The following SPAG16 variants were observed in gnomAD, a reference collection of about 807,000 sequenced individuals.
SPAG16 encodes sperm-associated antigen 16 protein.
A neutral mutation model predicts 80.4 loss-of-function variants in SPAG16; 86 were observed. The observed-to-expected ratio is 1.07, with a 90% CI of 0.90 to 1.28. The LOEUF is 1.28. Among genes scored for constraint, SPAG16 ranks in the 50% most tolerant of loss-of-function variants. The pLI, the probability that SPAG16 is intolerant of heterozygous loss-of-function variation, is 0.00. For synonymous variants in SPAG16, 294 were observed against 265.9 expected, an observed-to-expected ratio of 1.11 and a Z score of -1.03; for missense variants, 870 against 765.3, an observed-to-expected ratio of 1.14 and a Z score of -1.61.
intron 12 of SPAG16, among the ~76,000 whole-genome samples, chr2:213,970,007 T>C (rs1385310141): frequency 1.3e-5 from 2 of 152,110 alleles, no homozygotes; most frequent in Non-Finnish European, 2.9e-5. Context: ...ACCAGCAGAT[T>C]TGGTGTTTGG....
intron 10 of SPAG16, among the ~76,000 whole-genome samples, chr2:213,801,555 C>G (rs564964725): frequency 1.1e-4 from 17 of 152,298 alleles, no homozygotes; most frequent in Admixed American, 6.5e-5. Context: ...ACTGTCCAAA[C>G]AAATGTCTTC....
intron 9 of SPAG16, among the ~76,000 whole-genome samples, chr2:213,482,576 A>G (rs889110402): frequency 2.6e-5 from 4 of 152,024 alleles, no homozygotes; most frequent in African/African-American, 7.2e-5. Flanking sequence ...TTTATTTAAA[A>G]ATGTTCATTT....
chr2:214,355,012 C>T (rs1576864520), intron 15 of SPAG16, among the ~76,000 whole-genome samples: 2 of 152,156 alleles, frequency 1.3e-5, no homozygotes, highest in Admixed American at 1.3e-4. Context: ...GCCTAATTGC[C>T]CTGGCCAGAA....
At chr2:213,719,596 C>G (rs1405568633) in intron 10 of SPAG16, among the ~76,000 whole-genome samples, 1 of 152,218 alleles carries the variant, frequency 6.6e-6, no homozygotes, top group African/African-American at 2.4e-5. Context: ...CCCGAGCCAG[C>G]ATTGGCAACC....
chr2:214,124,242 A>T (rs1319380424), intron 14 of SPAG16, among the ~76,000 whole-genome samples: 2 of 150,278 alleles, frequency 1.3e-5, no homozygotes, highest in Non-Finnish European at 2.9e-5. Context: ...TATGACTGCC[A>T]AAACTAGTTC....
intron 9 of SPAG16, among the ~76,000 whole-genome samples, chr2:213,389,265 C>G (rs2067611758): frequency 6.6e-6 from 1 of 151,992 alleles, no homozygotes; most frequent in Non-Finnish European, 1.5e-5. Flanking sequence ...AAAATTAACT[C>G]AAAATAATCA....
chr2:213,790,748 A>C (rs978528667), intron 10 of SPAG16, among the ~76,000 whole-genome samples: 1 of 152,018 alleles, frequency 6.6e-6, no homozygotes, highest in Non-Finnish European at 1.5e-5. Context: ...TAGAATAATG[A>C]AGGTAGCTTA....
rs748471904 is a variant in SPAG16 at position 214,297,823 on chromosome 2, C to CTT, written c.1721-112305_1721-112304dup. The stretch of plus-strand genomic sequence containing the variant: ...TTAAGATTGCTTGGGCTATTTGGCT[C>CTT]TTTTTTTTTTTTTGGTTTTGTATGA... On this transcript the variant is annotated intron_variant, in intron 15 of 15. Coordinates refer to ENST00000331683, the MANE Select transcript of SPAG16 (RefSeq NM_024532.5). Among the ~76,000 whole-genome samples, 315 of 126,004 alleles carry CTT rather than the reference C, an allele frequency of 2.5e-3. 3 individuals are homozygous for CTT. Among genetic ancestry groups the CTT allele is most frequent in the African/African-American group, 7.9e-3 (287 of 36,204 alleles). 82.7% of individuals were successfully genotyped at this position (126,004 alleles called of 152,430 possible). A position where few individuals can be genotyped will look rare whatever the true frequency, so the allele number is the denominator to read the frequency against.
At chr2:214,060,478 A>G (rs2050201275) in intron 13 of SPAG16, among the ~76,000 whole-genome samples, 1 of 152,238 alleles carries the variant, frequency 6.6e-6, no homozygotes, top group Admixed American at 6.5e-5. Context: ...AACAGAAAAC[A>G]TAGCAAAATA....
intron 15 of SPAG16, among the ~76,000 whole-genome samples, chr2:214,308,289 G>A (rs982739249): frequency 3.3e-5 from 5 of 152,070 alleles, no homozygotes; most frequent in Admixed American, 1.3e-4. Context: ...GTCACTGCAT[G>A]TGAGACGGAT....
At chr2:214,352,554 T>TCTGTGTGTGTGTGTG (rs1553562796) in intron 15 of SPAG16, among the ~76,000 whole-genome samples, 2 of 13,854 alleles carry the variant, frequency 1.4e-4, no homozygotes, top group South Asian at 0.013. Context: ...TTGACTTTTT[T>TCTGTGTGTGTGTGTG]TCTCTGTGTG....
chr2:213,955,957 T>A (rs926116757), intron 12 of SPAG16, among the ~76,000 whole-genome samples: 40 of 151,650 alleles, frequency 2.6e-4, no homozygotes, highest in Non-Finnish European at 4.4e-4. Flanking sequence ...GGTTTTTATT[T>A]ATTATTTATT....
rs137972716 is a variant in SPAG16, at chr2:214,107,730, A to G, written c.1528-466A>G. Among the ~76,000 whole-genome samples, 175 of 152,294 alleles carry G rather than the reference A, an allele frequency of 1.1e-3. 1 individual carries two copies. Among genetic ancestry groups the G allele is most frequent in the African/African-American group, 4.1e-3 (171 of 41,570 alleles). ...TTTTATAAATTTTTATACAGGTAAT[A>G]ATGTTAATGCTGAACTGTGAAAATT... On this transcript the variant is annotated intron_variant, in intron 13 of 15. Transcript: ENST00000331683.
intron 13 of SPAG16, among the ~76,000 whole-genome samples, chr2:214,016,792 C>G (rs1366332211): frequency 1.3e-5 from 2 of 151,940 alleles, no homozygotes; most frequent in East Asian, 3.9e-4. Context: ...ATAAAGATCA[C>G]AAGAGAAACA....
At chr2:214,107,764 A>G (rs1242918433) in intron 13 of SPAG16, among the ~76,000 whole-genome samples, 2 of 152,174 alleles carry the variant, frequency 1.3e-5, no homozygotes, top group Non-Finnish European at 2.9e-5. Context: ...TTCAGGAGCT[A>G]AAATGTGATT....
chr2:214,302,422 T>C (rs920125300), intron 15 of SPAG16, among the ~76,000 whole-genome samples: 2 of 152,136 alleles, frequency 1.3e-5, no homozygotes, highest in Non-Finnish European at 1.5e-5. Flanking sequence ...TATTTATTAT[T>C]GTATTGCTGC....
At chr2:213,925,449 T>A (rs2078426944) in intron 11 of SPAG16, among the ~76,000 whole-genome samples, 2 of 152,060 alleles carry the variant, frequency 1.3e-5, no homozygotes, top group Non-Finnish European at 2.9e-5. Flanking sequence ...CCTCCTGGGT[T>A]CAGGCAATTC....
intron 10 of SPAG16, among the ~76,000 whole-genome samples, chr2:213,536,035 A>G (rs1264185339): frequency 6.6e-6 from 1 of 152,126 alleles, no homozygotes; most frequent in Non-Finnish European, 1.5e-5. Context: ...ATCCAGAGGT[A>G]TGTGAGTGTG....
At chr2:214,233,536 A>C (rs773010512) in intron 15 of SPAG16, among the ~76,000 whole-genome samples, 3 of 152,088 alleles carry the variant, frequency 2.0e-5, no homozygotes, top group Non-Finnish European at 4.4e-5. Flanking sequence ...GTCATGGTAC[A>C]TACTTTGGAA....
Sources: gnomAD v4.1 joint callset for allele counts (sites outside exome capture counted in the v4.1 genomes callset) on GRCh38, gnomAD v4.1.1 for gene constraint, MANE v1.5 for transcripts, NCBI Gene and HGNC (gene_info 2026-07-23, HGNC 2026-07-21) for gene names.